CEP85L: variants seen among roughly 807,000 people sequenced by gnomAD.
CEP85L encodes centrosomal protein 85L.
CEP85L carries 60 observed loss-of-function variants against 100.3 expected under a neutral mutation model. That is an observed-to-expected ratio of 0.60 (90% CI 0.49 to 0.74). CEP85L has a LOEUF of 0.74. Ranked by LOEUF, CEP85L falls within the 30% of genes least tolerant of loss-of-function variation. The probability of loss-of-function intolerance (pLI) is 0.00; values close to 1 mark genes in which losing one functional copy is unlikely to be tolerated. For synonymous variants in CEP85L, 319 were observed against 322.7 expected, an observed-to-expected ratio of 0.99 and a Z score of 0.12; for missense variants, 973 against 936.2, an observed-to-expected ratio of 1.04 and a Z score of -0.51.
chr6:118,670,794 C>T (rs1406249753), intron 1 of CEP85L, among the ~76,000 whole-genome samples: 1 of 152,074 alleles, frequency 6.6e-6, no homozygotes, highest in African/African-American at 2.4e-5. Context: ...AACAATATGC[C>T]TACTGACCTT....
chr6:118,580,353 C>T (rs1012188545), intron 2 of CEP85L, among the ~76,000 whole-genome samples: 1 of 152,190 alleles, frequency 6.6e-6, no homozygotes, highest in Non-Finnish European at 1.5e-5. Flanking sequence ...GCCGGGAATC[C>T]GAGGTACAAC....
At chr6:118,530,160 G>A (rs976553544) in intron 3 of CEP85L, among the ~76,000 whole-genome samples, 1 of 151,938 alleles carries the variant, frequency 6.6e-6, no homozygotes, top group African/African-American at 2.4e-5. Context: ...AAACTATTAA[G>A]AATAAATGGA....
At chr6:118,655,304 T>C (rs1179431221), upstream of CEP85L, among the ~76,000 whole-genome samples, 2 of 152,214 alleles carry the variant, frequency 1.3e-5, no homozygotes, top group African/African-American at 2.4e-5. Flanking sequence ...AGGTATGATA[T>C]GGACCACTGA....
At chr6:118,523,303 A>T (rs910433593) in intron 4 of CEP85L, among the ~76,000 whole-genome samples, 3 of 152,194 alleles carry the variant, frequency 2.0e-5, no homozygotes. Flanking sequence ...TTAGGTACTC[A>T]AACCCTTAAA....
chr6:118,617,793 G>A (rs1033065336), intron 2 of CEP85L, among the ~76,000 whole-genome samples: 8 of 152,172 alleles, frequency 5.3e-5, no homozygotes, highest in Non-Finnish European at 1.2e-4. Context: ...AACCTTGGGT[G>A]TTACATCTTA....
chr6:118,558,925 G>A, intron 3 of CEP85L: 1 of 1,613,674 alleles, frequency 6.2e-7, no homozygotes, highest in Non-Finnish European at 8.5e-7. Flanking sequence ...TGGTATCATG[G>A]AGAAAGTCCA....
At chr6:118,547,186 A>C (rs1291639409) in intron 3 of CEP85L, among the ~76,000 whole-genome samples, 1 of 152,150 alleles carries the variant, frequency 6.6e-6, no homozygotes, top group Non-Finnish European at 1.5e-5. Context: ...GAGTGTGGTG[A>C]CTTAAGTAAA....
chr6:118,614,113 A>C (rs1236083742), intron 2 of CEP85L, among the ~76,000 whole-genome samples: 1 of 152,246 alleles, frequency 6.6e-6, no homozygotes, highest in Non-Finnish European at 1.5e-5. Context: ...CCATATCAAC[A>C]AACTAAAGAA....
intron 2 of CEP85L, among the ~76,000 whole-genome samples, chr6:118,629,111 T>C (rs145593704): frequency 1.3e-5 from 2 of 152,300 alleles, no homozygotes; most frequent in East Asian, 3.9e-4. Context: ...GTATTACGTA[T>C]TGTAAGGAAT....
intron 1 of CEP85L, among the ~76,000 whole-genome samples, chr6:118,639,130 C>CAAGTTTATTTGA (rs1774701085): frequency 1.3e-5 from 2 of 152,072 alleles, no homozygotes; most frequent in South Asian, 4.1e-4. Context: ...ACTTGGAAAC[C>CAAGTTTATTTGA]AACACTTTCA....
chr6:118,664,048 A>T (rs1025270084), intron 1 of CEP85L, among the ~76,000 whole-genome samples: 1 of 151,372 alleles, frequency 6.6e-6, no homozygotes, highest in Non-Finnish European at 1.5e-5. Context: ...GGAACGCACC[A>T]CTATGCCTGC....
chr6:118,708,598 T>C (rs184993276), intron 1 of CEP85L, among the ~76,000 whole-genome samples: 4 of 152,324 alleles, frequency 2.6e-5, no homozygotes, highest in African/African-American at 9.6e-5. Flanking sequence ...GTAGCCAAAA[T>C]GCTGTTTTTC....
intron 2 of CEP85L, among the ~76,000 whole-genome samples, chr6:118,607,940 A>G (rs1175752494): frequency 6.6e-6 from 1 of 152,170 alleles, no homozygotes; most frequent in Non-Finnish European, 1.5e-5. Flanking sequence ...GTCCTGATCC[A>G]GACCCCAAGA....
chr6:118,681,345 G>C (rs1433266547), intron 1 of CEP85L, among the ~76,000 whole-genome samples: 2 of 152,138 alleles, frequency 1.3e-5, no homozygotes, highest in African/African-American at 2.4e-5. Flanking sequence ...ATAAGGGAGA[G>C]AGGAGTTGAG....
At chr6:118,567,719 T>C (rs1217021682) in intron 2 of CEP85L, among the ~76,000 whole-genome samples, 1 of 152,190 alleles carries the variant, frequency 6.6e-6, no homozygotes, top group Non-Finnish European at 1.5e-5. Flanking sequence ...TCTTACATTG[T>C]CTTATGGAAA....
chr6:118,583,959 C>T (rs1780719444), intron 2 of CEP85L, among the ~76,000 whole-genome samples: 1 of 152,208 alleles, frequency 6.6e-6, no homozygotes, highest in Admixed American at 6.5e-5. Flanking sequence ...TTTCTGTACA[C>T]CGTTACATCC....
intron 5 of CEP85L, among the ~76,000 whole-genome samples, chr6:118,506,801 T>C (rs1184290161): frequency 6.6e-6 from 1 of 152,218 alleles, no homozygotes; most frequent in Non-Finnish European, 1.5e-5. Context: ...TTTCTACATT[T>C]AGTAACATCT....
chr6:118,524,926 TC>T (rs1776877927), intron 3 of CEP85L, among the ~76,000 whole-genome samples: 1 of 152,216 alleles, frequency 6.6e-6, no homozygotes, highest in Non-Finnish European at 1.5e-5. Context: ...GAGCCTGCTC[TC>T]TTCAGCTCAC....
At chr6:118,482,045 AAAAAAG>A in intron 7 of CEP85L, 112 bp from the exon 8 acceptor site, 2 of 600,298 alleles carry the variant, frequency 3.3e-6, no homozygotes, top group Non-Finnish European at 5.1e-6. Context: ...AAAAAAAAAA[AAAAAAG>A]AATCACACTG....
Sources: gnomAD v4.1 joint callset for allele counts (sites outside exome capture counted in the v4.1 genomes callset) on GRCh38, gnomAD v4.1.1 for gene constraint, MANE v1.5 for transcripts, NCBI Gene and HGNC (gene_info 2026-07-23, HGNC 2026-07-21) for gene names.